SLC6A4: variants seen among roughly 807,000 people sequenced by gnomAD.
SLC6A4 encodes solute carrier family 6 member 4, also known as sodium-dependent serotonin transporter.
In SLC6A4, 22 loss-of-function variants were observed where a neutral mutation model predicts 73.4. The ratio of observed to expected loss-of-function variants is 0.30; its 90% confidence interval spans 0.21 to 0.43. SLC6A4 has a LOEUF of 0.43. Ranked by LOEUF, SLC6A4 falls within the 20% of genes least tolerant of loss-of-function variation. The pLI is 1.00. For synonymous variants in SLC6A4, 270 were observed against 315.5 expected (o/e 0.86, Z 1.53); for missense variants, 593 against 808.5 (o/e 0.73, Z 3.23).
rs1905932311 is a variant in SLC6A4, at chr17:30,198,460, A to T, written c.1889T>A (p.Val630Glu). The change falls in exon 15 of 15, where the codon GTG becomes GAG. Residue 630 changes from valine to glutamate, a missense_variant. Coordinates refer to ENST00000650711, the MANE Select transcript of SLC6A4 (RefSeq NM_001045.6). ...TTTTTCCTCTCGGTGAGTGTGTTACACAGCATTCAAGCGGATGTCCCCACA... is the reference window on the plus strand; with the variant it reads ...TTTTTCCTCTCGGTGAGTGTGTTACTCAGCATTCAAGCGGATGTCCCCACA... ...IPCGDIRLNA[V>E] is the part of the protein sequence containing the mutation. 1.3e-6 allele frequency: 2 copies of T among 1,595,850 alleles called. No homozygotes were observed. Among genetic ancestry groups the T allele is most frequent in the South Asian group, 2.2e-5 (2 of 90,496 alleles).
intron 1 of SLC6A4, among the ~76,000 whole-genome samples, chr17:30,231,794 G>C (rs1370353754): frequency 6.6e-6 from 1 of 152,174 alleles, no homozygotes; most frequent in Non-Finnish European, 1.5e-5. Context: ...CTCCCCTCCA[G>C]GCTCTTCCCT....
intron 10 of SLC6A4, among the ~76,000 whole-genome samples, chr17:30,210,872 C>T (rs572434274): frequency 1.4e-4 from 22 of 152,298 alleles, no homozygotes; most frequent in African/African-American, 5.3e-4. Context: ...AAATAGCACA[C>T]GTGGACAGAA....
At chr17:30,213,722 G>C (rs1454164389) in intron 8 of SLC6A4, among the ~76,000 whole-genome samples, 1 of 138,944 alleles carries the variant, frequency 7.2e-6, no homozygotes, top group South Asian at 2.5e-4. Flanking sequence ...TAAGTCTAAA[G>C]ATGATGGGTG....
chr17:30,213,343 C>T (rs1279514987), intron 8 of SLC6A4, among the ~76,000 whole-genome samples: 2 of 143,724 alleles, frequency 1.4e-5, no homozygotes, highest in Non-Finnish European at 3.0e-5. Context: ...TGCTCTATTG[C>T]CCAGGCTGGA....
Position 30,211,151 on chromosome 17 carries a change from G to A in SLC6A4, c.1317+161C>T, listed in dbSNP as rs910282377. Among the ~76,000 whole-genome samples, 3 of 152,218 alleles carry A rather than the reference G, an allele frequency of 2.0e-5. No individual in the cohort carries two copies. Among genetic ancestry groups the A allele is most frequent in the Non-Finnish European group, 4.4e-5 (3 of 68,038 alleles). On this transcript the variant is annotated intron_variant, in intron 10 of 14. Transcript: ENST00000650711. This position sits in a 1 kb window ranked among gnomAD's most constrained non-coding sequence, Gnocchi z 4.0. ...CATTAATGACTCGAATGTACCAGAG[G>A]GTGGTAAATGCCGAGGAGTCAGCCG...
At chr17:30,209,007 T>G in intron 12 of SLC6A4, 136 bp downstream of exon 12, 1 of 585,102 alleles carries the variant, frequency 1.7e-6, no homozygotes, top group Admixed American at 2.9e-5. Flanking sequence ...TGGCCGAGAC[T>G]CTTTTACAGA....
At chr17:30,225,676 C>T (rs1165670924) in intron 1 of SLC6A4, among the ~76,000 whole-genome samples, 1 of 152,172 alleles carries the variant, frequency 6.6e-6, no homozygotes, top group Non-Finnish European at 1.5e-5. Flanking sequence ...GCTGTTGTTC[C>T]AGGCTGAGCT....
At chr17:30,202,272 G>A (rs745701755) in intron 14 of SLC6A4, among the ~76,000 whole-genome samples, 9 of 152,080 alleles carry the variant, frequency 5.9e-5, no homozygotes, top group Admixed American at 1.3e-4. Flanking sequence ...CTACAGGCAC[G>A]TGCCACCATG....
At chr17:30,205,568 T>A (rs1008240296) in intron 13 of SLC6A4, among the ~76,000 whole-genome samples, 6 of 152,178 alleles carry the variant, frequency 3.9e-5, no homozygotes, top group African/African-American at 1.4e-4. Flanking sequence ...AACACACGCA[T>A]TTTAAATGTG....
intron 8 of SLC6A4, among the ~76,000 whole-genome samples, chr17:30,215,008 C>CTTTCTTCTTTCTCTT (rs1227649513): frequency 2.0e-5 from 3 of 146,830 alleles, no homozygotes; most frequent in Non-Finnish European, 4.5e-5. Flanking sequence ...TCCTTTCTTT[C>CTTTCTTCTTTCTCTT]TTTCTTTCTT....
rs775339451 is a variant in SLC6A4 at position 30,215,620 on chromosome 17, T to C, written c.1067A>G (p.Asn356Ser). 6.2e-7 allele frequency: 1 copy of C among 1,613,580 alleles called. No homozygotes were observed. Among genetic ancestry groups the C allele is most frequent in the Admixed American group, 1.7e-5 (1 of 60,036 alleles). The change falls in exon 8 of 15, where the codon AAC becomes AGC. Residue 356 changes from asparagine to serine, a missense_variant. Physicochemically the swap from Asn to Ser is conservative, Grantham distance 46. Transcript: ENST00000650711. ...AFASYNKFNN[N>S]CYQDALVTSV... ...GACCCCAGATACTCACTGGTAGCAG[T>C]TGTTGTTGAACTTGTTGTAGCTAGC... is the stretch of plus-strand genomic sequence containing the variant.
chr17:30,198,441 C>G lies in SLC6A4; in HGVS notation c.*15G>C. On this transcript the variant is annotated 3_prime_UTR_variant, in exon 15 of 15. Coordinates refer to ENST00000650711, the MANE Select transcript of SLC6A4 (RefSeq NM_001045.6). ...AGGAGGTTGTGGAGAAGCCTTTTTC[C>G]TCTCGGTGAGTGTGTTACACAGCAT... 1 of 1,536,602 alleles carries G rather than the reference C, an allele frequency of 6.5e-7. No individual in the cohort carries two copies. The highest frequency in any genetic ancestry group is 8.9e-7 in the Non-Finnish European group (1 of 1,118,440).
At position 30,221,842 on chromosome 17, in the gene SLC6A4, C is replaced by T. The variant is rs373800027; in HGVS notation, c.117G>A (p.Glu39=). 1.9e-6 allele frequency: 3 copies of T among 1,614,100 alleles called. No homozygotes were observed. In the African/African-American group the frequency reaches 4.0e-5, roughly 22 times the overall value. Residue 39 remains glutamate (E), a synonymous_variant, in exon 3 of 15, where the codon GAG becomes GAA. Coordinates refer to ENST00000650711, the MANE Select transcript of SLC6A4 (RefSeq NM_001045.6). ...AGTACCCATTGGATATTTGCCCGGA[C>T]TCCACTTTGTCCCCTGGGGTGGGAA... The part of the protein sequence containing the change: ...KVVPTPGDKV[E]SGQISNGYSA...
chr17:30,200,478 C>T (rs1008319518), intron 14 of SLC6A4, among the ~76,000 whole-genome samples: 21 of 152,328 alleles, frequency 1.4e-4, no homozygotes, highest in East Asian at 1.9e-4. Context: ...TGACTCCAAC[C>T]GCAAGACTTC....
chr17:30,218,018 G>C (rs1035164696), intron 5 of SLC6A4, 100 bp downstream of exon 5: 4 of 852,608 alleles, frequency 4.7e-6, no homozygotes, highest in Non-Finnish European at 7.7e-6. Context: ...CTCTCAGAAA[G>C]GGGTGAGGAG....
intron 1 of SLC6A4, among the ~76,000 whole-genome samples, chr17:30,233,862 T>C (rs1907188557): frequency 6.6e-6 from 1 of 152,218 alleles, no homozygotes; most frequent in Non-Finnish European, 1.5e-5. Flanking sequence ...TCTCCAATTA[T>C]ACCATTCATT....
chr17:30,214,692 G>A (rs1218680687), intron 8 of SLC6A4, among the ~76,000 whole-genome samples: 1 of 147,990 alleles, frequency 6.8e-6, no homozygotes, highest in Non-Finnish European at 1.5e-5. Flanking sequence ...GAGTGCAGTG[G>A]CACAATCTCG....
At chr17:30,223,293 G>C (rs1906828642) in intron 1 of SLC6A4, among the ~76,000 whole-genome samples, 2 of 152,206 alleles carry the variant, frequency 1.3e-5, no homozygotes, top group Non-Finnish European at 2.9e-5. Flanking sequence ...GGGATGGACT[G>C]TTTATAACTG....
chr17:30,210,366 A>G, intron 11 of SLC6A4, 149 bp downstream of exon 11: 1 of 759,374 alleles, frequency 1.3e-6, no homozygotes, highest in Non-Finnish European at 2.0e-6. Flanking sequence ...CTTCTCCTTG[A>G]TGACAAACCT....
Sources: allele counts gnomAD v4.1 joint callset (sites outside exome capture counted in the v4.1 genomes callset), GRCh38; gene constraint gnomAD v4.1.1; non-coding constraint Gnocchi (gnomAD v3.1); transcripts MANE v1.5; gene names NCBI Gene and HGNC (gene_info 2026-07-23, HGNC 2026-07-21).